The following ZMIZ1 variants were observed in gnomAD, a reference collection of about 807,000 sequenced individuals.
The protein encoded by ZMIZ1 is zinc finger MIZ-type containing 1.
A neutral mutation model predicts 113.9 loss-of-function variants in ZMIZ1; 17 were observed. That is an observed-to-expected ratio of 0.15 (90% CI 0.10 to 0.22). ZMIZ1 has a LOEUF of 0.22. Ranked by LOEUF, ZMIZ1 falls within the 10% of genes least tolerant of loss-of-function variation. The pLI is 1.00. For missense variants in ZMIZ1, 1,059 were observed against 1,477.8 expected (o/e 0.72, Z 4.65); for synonymous variants, 607 against 603.1 (o/e 1.01, Z -0.09).
chr10:79,314,474 C>G lies in ZMIZ1; in HGVS notation c.*1725C>G, dbSNP rs1373240558. ...AGGAAAGCTGCCATTGCCCCGGCCC[C>G]TTTTCTTCCTTTGTCCCGTTGTCGA... On this transcript the variant is annotated 3_prime_UTR_variant, in exon 25 of 25. Transcript: ENST00000334512. 2.9e-6 allele frequency: 1 copy of G among 339,228 alleles called. No homozygotes were observed. The highest frequency in any genetic ancestry group is 4.2e-5 in the Admixed American group (1 of 23,746). 21.0% of individuals were successfully genotyped at this position (339,228 alleles called of 1,614,324 possible). A position where few individuals can be genotyped will look rare whatever the true frequency, so the allele number is the denominator to read the frequency against.
intron 4 of ZMIZ1, among the ~76,000 whole-genome samples, chr10:79,166,697 G>C (rs1172975829): frequency 6.6e-6 from 1 of 152,358 alleles, no homozygotes; most frequent in South Asian, 2.1e-4. Flanking sequence ...GGAGCTGGCT[G>C]CCTGGTGGGA....
chr10:79,253,466 G>A (rs1850673192), intron 7 of ZMIZ1, among the ~76,000 whole-genome samples: 1 of 152,128 alleles, frequency 6.6e-6, no homozygotes. Context: ...GTCCCTCCCT[G>A]CCGTGCCGTC....
At chr10:79,193,273 T>A (rs1473274400) in intron 4 of ZMIZ1, among the ~76,000 whole-genome samples, 1 of 152,246 alleles carries the variant, frequency 6.6e-6, no homozygotes, top group African/African-American at 2.4e-5. Flanking sequence ...CTAATTTAAC[T>A]GCATGCTAAA....
At chr10:79,223,134 C>T (rs532309904) in intron 7 of ZMIZ1, among the ~76,000 whole-genome samples, 7 of 152,334 alleles carry the variant, frequency 4.6e-5, no homozygotes, top group East Asian at 3.9e-4. Context: ...GCCGCCTTCC[C>T]GTTACTGGGA....
chr10:79,226,616 C>A (rs1849209411), intron 7 of ZMIZ1, among the ~76,000 whole-genome samples: 1 of 152,166 alleles, frequency 6.6e-6, no homozygotes, highest in African/African-American at 2.4e-5. Context: ...AGCATTCTCG[C>A]CCCCAGAGGA....
intron 7 of ZMIZ1, among the ~76,000 whole-genome samples, chr10:79,242,637 C>T (rs1490880417): frequency 6.6e-6 from 1 of 150,546 alleles, no homozygotes; most frequent in Non-Finnish European, 1.5e-5. Context: ...CATTAGCATG[C>T]CCACTTGGGA....
intron 17 of ZMIZ1, among the ~76,000 whole-genome samples, chr10:79,301,322 T>C (rs1009594991): frequency 2.0e-5 from 3 of 152,102 alleles, no homozygotes; most frequent in Admixed American, 6.5e-5. Context: ...GCAGTTGTCA[T>C]TGTCAGCACC....
intron 15 of ZMIZ1, among the ~76,000 whole-genome samples, chr10:79,298,817 G>A (rs1413389207): frequency 6.6e-6 from 1 of 152,230 alleles, no homozygotes; most frequent in Non-Finnish European, 1.5e-5. Context: ...GCCATGGAAG[G>A]ATGCAAGGAG....
chr10:79,114,414 G>T (rs527947793), intron 1 of ZMIZ1, among the ~76,000 whole-genome samples: 98 of 152,222 alleles, frequency 6.4e-4, no homozygotes, highest in African/African-American at 2.2e-3. Flanking sequence ...GGCTGGGAGT[G>T]GGGGAAGGCG....
At position 79,201,693 on chromosome 10, in the gene ZMIZ1, G is replaced by T; in HGVS notation, c.60+1G>T. Reference sequence around the variant, plus strand: ...TGACCGACTGCAGTGCATCAAGCAGGTGGGTGTGGGGCAAGGCACACTCCG... The same window carrying T: ...TGACCGACTGCAGTGCATCAAGCAGTTGGGTGTGGGGCAAGGCACACTCCG... On this transcript the variant is annotated splice_donor_variant, in intron 5 of 24. Transcript: ENST00000334512. LOFTEE classifies it high-confidence loss of function. 6.2e-7 allele frequency: 1 copy of T among 1,613,084 alleles called. No homozygotes were observed.
intron 4 of ZMIZ1, among the ~76,000 whole-genome samples, chr10:79,180,816 A>G (rs114284887): frequency 1.5e-4 from 23 of 152,256 alleles, no homozygotes; most frequent in African/African-American, 5.3e-4. Flanking sequence ...CCGCAACTCC[A>G]TTTGCAACTT....
intron 4 of ZMIZ1, among the ~76,000 whole-genome samples, chr10:79,178,946 G>A (rs548528732): frequency 1.6e-4 from 24 of 152,316 alleles, no homozygotes; most frequent in African/African-American, 5.5e-4. Flanking sequence ...CTGGCTCAGC[G>A]CTGCTCTGCT....
At position 79,182,399 on chromosome 10, in the gene ZMIZ1, C is replaced by G. The variant is rs528881763; in HGVS notation, c.-49-19185C>G. ...GAGTATCGACTGGGTGACTGCAGAC[C>G]CCCGAGAGGGCCTGCTTCTCGAGAG... On this transcript the variant is annotated intron_variant, in intron 4 of 24. Coordinates refer to ENST00000334512, the MANE Select transcript of ZMIZ1 (RefSeq NM_020338.4). 3.3e-5 allele frequency among the ~76,000 whole-genome samples: 5 copies of G among 152,174 alleles called. No homozygotes were observed. In the South Asian group the frequency reaches 6.3e-4, roughly 19 times the overall value.
At chr10:79,215,106 C>T (rs1459893677) in intron 6 of ZMIZ1, among the ~76,000 whole-genome samples, 1 of 152,184 alleles carries the variant, frequency 6.6e-6, no homozygotes, top group African/African-American at 2.4e-5. Context: ...GGAAGCCCCC[C>T]ATTTGCTGGG....
chr10:79,230,751 G>A (rs1038877958), intron 7 of ZMIZ1, among the ~76,000 whole-genome samples: 8 of 152,358 alleles, frequency 5.3e-5, no homozygotes, highest in African/African-American at 1.9e-4. Flanking sequence ...TTGTCCGCCC[G>A]TGTGGAAGCG....
chr10:79,303,705 T>C (rs907386974), intron 18 of ZMIZ1, among the ~76,000 whole-genome samples: 6 of 152,164 alleles, frequency 3.9e-5, no homozygotes, highest in Non-Finnish European at 7.4e-5. Context: ...ATAATGACTT[T>C]CCATGAGCTT....
At chr10:79,192,212 C>T (rs1287353443) in intron 4 of ZMIZ1, among the ~76,000 whole-genome samples, 1 of 152,228 alleles carries the variant, frequency 6.6e-6, no homozygotes, top group Non-Finnish European at 1.5e-5. Context: ...ACACCAAATG[C>T]AGCTAGGATC....
At chr10:79,076,263 A>G (rs1842472179) in intron 1 of ZMIZ1, among the ~76,000 whole-genome samples, 1 of 152,140 alleles carries the variant, frequency 6.6e-6, no homozygotes, top group South Asian at 2.1e-4. Context: ...TGAAACATGT[A>G]TTGAGTGTGT....
intron 1 of ZMIZ1, among the ~76,000 whole-genome samples, chr10:79,071,605 G>C (rs1038987347): frequency 6.6e-6 from 1 of 152,166 alleles, no homozygotes; most frequent in African/African-American, 2.4e-5. Flanking sequence ...CAGAGTGGGG[G>C]AAATTCCTGG....
Sources: allele counts gnomAD v4.1 joint callset (sites outside exome capture counted in the v4.1 genomes callset), GRCh38; gene constraint gnomAD v4.1.1; transcripts MANE v1.5; gene names NCBI Gene and HGNC (gene_info 2026-07-23, HGNC 2026-07-21).